IL1R1: variants seen among roughly 807,000 people sequenced by gnomAD.
IL1R1 encodes interleukin 1 receptor type 1, also known as interleukin-1 receptor type 1.
In IL1R1, 22 loss-of-function variants were observed where a neutral mutation model predicts 50.2. The observed-to-expected ratio is 0.44, with a 90% CI of 0.31 to 0.63. The LOEUF is 0.63. Among genes scored for constraint, IL1R1 ranks in the 20% least tolerant of loss-of-function variants. The pLI is 0.07. For synonymous variants in IL1R1, 251 were observed against 236.7 expected, an observed-to-expected ratio of 1.06 and a Z score of -0.55; for missense variants, 509 against 676.2, an observed-to-expected ratio of 0.75 and a Z score of 2.74.
chr2:102,096,077 T>C (rs186280163), intron 1 of IL1R1, among the ~76,000 whole-genome samples: 50 of 152,354 alleles, frequency 3.3e-4, no homozygotes, highest in Middle Eastern at 3.4e-3. Flanking sequence ...TTTTAAGCTG[T>C]ATTCCTGTCA....
chr2:102,175,805 A>G (rs1686080512), intron 11 of IL1R1, 160 bp downstream of exon 11: 2 of 695,622 alleles, frequency 2.9e-6, no homozygotes, highest in African/African-American at 1.8e-5. Flanking sequence ...TATTAAATGC[A>G]TTTACTTCTC....
chr2:102,152,907 G>C (rs1247648537), intron 1 of IL1R1, among the ~76,000 whole-genome samples: 1 of 152,112 alleles, frequency 6.6e-6, no homozygotes, highest in African/African-American at 2.4e-5. Flanking sequence ...GAACTAGTCA[G>C]GCTGTGTTAT....
intron 1 of IL1R1, among the ~76,000 whole-genome samples, chr2:102,112,567 A>G (rs569938946): frequency 2.0e-5 from 3 of 152,268 alleles, no homozygotes; most frequent in African/African-American, 7.2e-5. Context: ...CAGGTACTCA[A>G]CACAGAATTG....
intron 1 of IL1R1, among the ~76,000 whole-genome samples, chr2:102,111,917 CA>C (rs1351294944): frequency 6.6e-6 from 1 of 152,104 alleles, no homozygotes; most frequent in African/African-American, 2.4e-5. Context: ...TCTGAGTGGG[CA>C]AAGGGCAGAA....
Position 102,134,421 on chromosome 2 carries a change from A to G in IL1R1, c.-83-19520A>G, listed in dbSNP as rs1287666936. On this transcript the variant is annotated intron_variant, in intron 1 of 10. Coordinates refer to the IL1R1 transcript ENST00000409329. ...AGACAGAATTTCGCTCTTGTTGACC[A>G]GGCTGGAGCGCAATGGCACAGATTT... is the stretch of plus-strand genomic sequence containing the variant. Among the ~76,000 whole-genome samples, 7 of 150,890 alleles carry G rather than the reference A, an allele frequency of 4.6e-5. No homozygotes were observed. In the South Asian group the frequency reaches 1.3e-3, roughly 27 times the overall value.
At chr2:102,133,737 G>A (rs1171542164) in intron 1 of IL1R1, among the ~76,000 whole-genome samples, 1 of 152,146 alleles carries the variant, frequency 6.6e-6, no homozygotes, top group Non-Finnish European at 1.5e-5. Context: ...AAAACTCTTA[G>A]CAAACTGAGA....
chr2:102,147,667 A>T (rs1261493004), intron 1 of IL1R1, among the ~76,000 whole-genome samples: 1 of 144,602 alleles, frequency 6.9e-6, no homozygotes, highest in Admixed American at 6.8e-5. Flanking sequence ...CCTAGTGGTC[A>T]AGAGGCTTGG....
chr2:102,152,592 A>G (rs543597900), intron 1 of IL1R1, among the ~76,000 whole-genome samples: 24 of 147,854 alleles, frequency 1.6e-4, no homozygotes, highest in Non-Finnish European at 2.8e-4. Context: ...GGGCCTCCCA[A>G]ATAAATCCAT....
At chr2:102,118,091 A>G (rs1465325) in intron 1 of IL1R1, among the ~76,000 whole-genome samples, 23,630 of 152,006 alleles carry the variant, frequency 0.16, 2,007 homozygotes, top group South Asian at 0.2. Context: ...TTTTGTTCTA[A>G]TGAAGCTCCT....
At chr2:102,097,967 A>G (rs527292166) in intron 1 of IL1R1, among the ~76,000 whole-genome samples, 1 of 152,216 alleles carries the variant, frequency 6.6e-6, no homozygotes, top group East Asian at 1.9e-4. Flanking sequence ...AAATCCCAGT[A>G]TAAGAAAATA....
At chr2:102,158,917 G>C (rs3917248) in intron 3 of IL1R1, among the ~76,000 whole-genome samples, 1 of 152,188 alleles carries the variant, frequency 6.6e-6, no homozygotes, top group African/African-American at 2.4e-5. Flanking sequence ...CTTGTCAAAG[G>C]GTGGCAAGGA....
intron 1 of IL1R1, among the ~76,000 whole-genome samples, chr2:102,086,084 T>A (rs1474718666): frequency 6.6e-6 from 1 of 152,212 alleles, no homozygotes; most frequent in East Asian, 1.9e-4. Context: ...ATTGACCTTT[T>A]ATCCACTAGC....
At chr2:102,156,561 G>T (rs1278118991) in intron 2 of IL1R1, among the ~76,000 whole-genome samples, 1 of 151,248 alleles carries the variant, frequency 6.6e-6, no homozygotes, top group Non-Finnish European at 1.5e-5. Flanking sequence ...ACTCAGGCTG[G>T]AGTGCAGTGG....
intron 1 of IL1R1, among the ~76,000 whole-genome samples, chr2:102,133,914 A>C (rs375943153): frequency 6.8e-6 from 1 of 147,162 alleles, no homozygotes; most frequent in Non-Finnish European, 1.5e-5. Flanking sequence ...AAAAAAAAAA[A>C]TCAAGATATG....
Position 102,149,111 on chromosome 2 carries a change from G to A in IL1R1, c.-83-4830G>A, listed in dbSNP as rs887847686. Among the ~76,000 whole-genome samples, 4 of 152,130 alleles carry A rather than the reference G, an allele frequency of 2.6e-5. No homozygotes were observed. The East Asian group carries it at 5.8e-4, about 22-fold the overall frequency. On this transcript the variant is annotated intron_variant, in intron 1 of 11. Coordinates refer to ENST00000410023, the MANE Select transcript of IL1R1 (RefSeq NM_000877.4). ...TTCATGAGCTAAAGAACCTGCTTTA[G>A]CCCTTGTTTTTTCAGGACTCATTCA...
At chr2:102,158,710 T>C (rs150660779) in intron 3 of IL1R1, among the ~76,000 whole-genome samples, 404 of 152,246 alleles carry the variant, frequency 2.7e-3, no homozygotes, top group African/African-American at 9.3e-3. Flanking sequence ...GTTGTGCCCT[T>C]TTTTAGGGTC....
chr2:102,085,661 A>G (rs1679400778), intron 1 of IL1R1, among the ~76,000 whole-genome samples: 2 of 151,926 alleles, frequency 1.3e-5, no homozygotes, highest in East Asian at 1.9e-4. Context: ...AGTCTTTACT[A>G]TTCCTCAAGA....
At chr2:102,095,691 A>G (rs1679869035) in intron 1 of IL1R1, among the ~76,000 whole-genome samples, 1 of 152,222 alleles carries the variant, frequency 6.6e-6, no homozygotes, top group Non-Finnish European at 1.5e-5. Context: ...CATATAAAAA[A>G]TACATTATTT....
intron 1 of IL1R1, among the ~76,000 whole-genome samples, chr2:102,077,508 A>T (rs1399675161): frequency 6.6e-6 from 1 of 152,226 alleles, no homozygotes; most frequent in African/African-American, 2.4e-5. Flanking sequence ...GTCTCTGTTC[A>T]ACATGCTTGA....
Sources: gnomAD v4.1 joint callset for allele counts (sites outside exome capture counted in the v4.1 genomes callset) on GRCh38, gnomAD v4.1.1 for gene constraint, MANE v1.5 for transcripts, NCBI Gene and HGNC (gene_info 2026-07-23, HGNC 2026-07-21) for gene names.